The following NTNG1 variants were observed in gnomAD, a reference collection of about 807,000 sequenced individuals.
NTNG1 encodes the protein netrin G1, also known as netrin-G1.
NTNG1 carries 16 observed loss-of-function variants against 54.0 expected under a neutral mutation model. That is an observed-to-expected ratio of 0.30 (90% CI 0.20 to 0.45). NTNG1 has a LOEUF of 0.45. NTNG1 is among the 20% of genes least tolerant of loss of function. The pLI is 1.00. For missense variants in NTNG1, 530 were observed against 678.7 expected, an observed-to-expected ratio of 0.78 and a Z score of 2.43; for synonymous variants, 255 against 263.1, an observed-to-expected ratio of 0.97 and a Z score of 0.30.
chr1:107,146,816 T>A (rs965018392), intron 1 of NTNG1, among the ~76,000 whole-genome samples: 1 of 152,060 alleles, frequency 6.6e-6, no homozygotes, highest in Admixed American at 6.6e-5. Context: ...CATTTCATAG[T>A]CTCTGTGGCT....
chr1:107,396,917 C>G (rs376295616), intron 4 of NTNG1, among the ~76,000 whole-genome samples: 1 of 152,188 alleles, frequency 6.6e-6, no homozygotes, highest in Non-Finnish European at 1.5e-5. Flanking sequence ...TCTATTCTAA[C>G]GTGACCTTGT....
intron 2 of NTNG1, among the ~76,000 whole-genome samples, chr1:107,194,631 T>C (rs1040276342): frequency 1.3e-5 from 2 of 152,064 alleles, no homozygotes; most frequent in African/African-American, 4.8e-5. Context: ...ACCAATAGCA[T>C]CCATCTGTAA....
At chr1:107,439,735 C>A (rs1180128299) in intron 7 of NTNG1, among the ~76,000 whole-genome samples, 2 of 152,050 alleles carry the variant, frequency 1.3e-5, no homozygotes, top group African/African-American at 4.8e-5. Flanking sequence ...GAAGTGCCTT[C>A]CCCTGGGATC....
intron 2 of NTNG1, among the ~76,000 whole-genome samples, chr1:107,229,934 G>A (rs570488402): frequency 6.6e-6 from 1 of 152,136 alleles, no homozygotes; most frequent in African/African-American, 2.4e-5. Context: ...GTAATCTCAT[G>A]GGAATATGCT....
chr1:107,349,805 G>T (rs1669493563), intron 3 of NTNG1, among the ~76,000 whole-genome samples: 1 of 152,042 alleles, frequency 6.6e-6, no homozygotes. Context: ...TCCATTGTGT[G>T]ACTATACCAC....
intron 7 of NTNG1, among the ~76,000 whole-genome samples, chr1:107,470,021 T>C (rs1209014631): frequency 6.6e-6 from 1 of 152,156 alleles, no homozygotes; most frequent in Non-Finnish European, 1.5e-5. Flanking sequence ...AACAAGATGG[T>C]CATCCGTTGG....
chr1:107,159,899 A>G (rs940203352), intron 2 of NTNG1, among the ~76,000 whole-genome samples: 14 of 152,202 alleles, frequency 9.2e-5, no homozygotes, highest in African/African-American at 3.4e-4. Context: ...TTTCTTTTCC[A>G]TTAACGTGTT....
upstream of NTNG1, chr1:107,140,756 GAAAAAAAAAAAAAGAGGA>G (rs1653595382): frequency 1.0e-5 from 1 of 96,090 alleles, no homozygotes; most frequent in African/African-American, 4.0e-5. Flanking sequence ...CCTGCGGCTT[GAAAAAAAAAAAAAGAGGA>G]AAAAAAAAAG....
chr1:107,371,428 G>C (rs561023237), intron 3 of NTNG1, among the ~76,000 whole-genome samples: 1 of 151,998 alleles, frequency 6.6e-6, no homozygotes, highest in Non-Finnish European at 1.5e-5. Context: ...ATACATGATA[G>C]ATTCTATAGC....
intron 3 of NTNG1, among the ~76,000 whole-genome samples, chr1:107,375,179 C>A (rs1044984365): frequency 2.0e-5 from 3 of 152,146 alleles, no homozygotes; most frequent in African/African-American, 7.2e-5. Context: ...TTGTGCAATT[C>A]TTTTCTCTCC....
chr1:107,239,117 G>C lies in NTNG1; in HGVS notation c.247-85165G>C, dbSNP rs183856167. 2.9e-3 allele frequency among the ~76,000 whole-genome samples: 442 copies of C among 152,238 alleles called. 5 individuals carry two copies. The highest frequency in any genetic ancestry group is 9.8e-3 in the African/African-American group (408 of 41,544). ...GTCGGGGAGCAAATATAATGCCTAG[G>C]ATTGTGAAGGAAAAGTATACATGGA... On this transcript the variant is annotated intron_variant, in intron 2 of 7. Transcript: ENST00000370068.
chr1:107,265,647 C>T (rs566819376), intron 2 of NTNG1, among the ~76,000 whole-genome samples: 1 of 152,214 alleles, frequency 6.6e-6, no homozygotes, highest in South Asian at 2.1e-4. Flanking sequence ...ACAACTGGCT[C>T]TAAATCAGCT....
intron 5 of NTNG1, among the ~76,000 whole-genome samples, chr1:107,412,817 T>C (rs1673919699): frequency 6.6e-6 from 1 of 152,152 alleles, no homozygotes. Context: ...TGTCAGGTAT[T>C]TTATAGAACA....
In NTNG1 at chr1:107,480,932, C is replaced by A; in HGVS notation, c.*92C>A. ...TACTAACATAGGAAACACACACATA[C>A]AGACACCCCCACTCAGACAGTGTAC... is the stretch of plus-strand genomic sequence containing the variant. On this transcript the variant is annotated 3_prime_UTR_variant, in exon 8 of 8. Coordinates refer to ENST00000370068, the MANE Select transcript of NTNG1 (RefSeq NM_001113226.3). 2 of 901,684 alleles carry A rather than the reference C, an allele frequency of 2.2e-6. No homozygotes were observed. Among genetic ancestry groups the A allele is most frequent in the Non-Finnish European group, 3.4e-6 (2 of 581,500 alleles). 55.9% of individuals were successfully genotyped at this position (901,684 alleles called of 1,614,324 possible). A position where few individuals can be genotyped will look rare whatever the true frequency, so the allele number is the denominator to read the frequency against.
At chr1:107,349,695 A>T (rs1669483910) in intron 3 of NTNG1, among the ~76,000 whole-genome samples, 1 of 152,112 alleles carries the variant, frequency 6.6e-6, no homozygotes, top group Non-Finnish European at 1.5e-5. Flanking sequence ...TATATTGTTT[A>T]GGTTAGTTTT....
chr1:107,443,530 G>A lies in NTNG1; in HGVS notation c.1390+6731G>A, dbSNP rs570105815. On this transcript the variant is annotated intron_variant, in intron 7 of 7. Transcript: ENST00000370068. The stretch of plus-strand genomic sequence containing the variant: ...ATACCTCCCTGGACAAATATCTTGC[G>A]CCTAACTTGTAATTTTTCAATGTTT... Among the ~76,000 whole-genome samples the A allele has an allele frequency of 5.3e-5, 8 of 152,068 alleles. No individual in the cohort carries two copies. In the East Asian group the frequency reaches 1.2e-3, roughly 22 times the overall value.
chr1:107,235,146 A>T (rs1435382500), intron 2 of NTNG1, among the ~76,000 whole-genome samples: 2 of 152,174 alleles, frequency 1.3e-5, no homozygotes, highest in Admixed American at 1.3e-4. Context: ...AGGGGAGCTC[A>T]ACTCCCTTTG....
chr1:107,412,752 A>G (rs1415674696), intron 5 of NTNG1, among the ~76,000 whole-genome samples: 1 of 152,188 alleles, frequency 6.6e-6, no homozygotes, highest in Non-Finnish European at 1.5e-5. Context: ...AAAATATACT[A>G]TTCCTCTACC....
chr1:107,392,856 G>A (rs935062549), intron 3 of NTNG1, among the ~76,000 whole-genome samples: 21 of 152,088 alleles, frequency 1.4e-4, no homozygotes, highest in African/African-American at 4.8e-4. Flanking sequence ...CCAAGCACAC[G>A]GACACATTTA....
Sources: allele counts gnomAD v4.1 joint callset (sites outside exome capture counted in the v4.1 genomes callset), GRCh38; gene constraint gnomAD v4.1.1; transcripts MANE v1.5; gene names NCBI Gene and HGNC (gene_info 2026-07-23, HGNC 2026-07-21).